OSBPL9: variants seen among roughly 807,000 people sequenced by gnomAD.
OSBPL9 encodes the protein oxysterol-binding protein-related protein 9.
OSBPL9 carries 40 observed loss-of-function variants against 106.6 expected under a neutral mutation model. The observed-to-expected ratio is 0.38, with a 90% CI of 0.29 to 0.49. The LOEUF (loss-of-function observed/expected upper bound fraction) is 0.49. Ranked by LOEUF, OSBPL9 falls within the 20% of genes least tolerant of loss-of-function variation. OSBPL9 has a pLI of 0.97. For synonymous variants in OSBPL9, 269 were observed against 295.4 expected, an observed-to-expected ratio of 0.91 and a Z score of 0.92; for missense variants, 609 against 887.2, an observed-to-expected ratio of 0.69 and a Z score of 3.98.
At chr1:51,552,798 T>C in the OSBPL9 span, among the ~76,000 whole-genome samples, 2 of 151,968 alleles carry the variant, frequency 1.3e-5, no homozygotes, top group African/African-American at 4.8e-5. Flanking sequence ...CTAATTTTTT[T>C]ATTTTTAGTA....
chr1:51,650,609 C>T (rs549831336), intron 1 of OSBPL9, among the ~76,000 whole-genome samples: 1 of 152,250 alleles, frequency 6.6e-6, no homozygotes, highest in African/African-American at 2.4e-5. Flanking sequence ...TCGGTAATCA[C>T]TTCTGAACAT....
chr1:51,535,558 TA>T, the OSBPL9 span, among the ~76,000 whole-genome samples: 5 of 151,986 alleles, frequency 3.3e-5, no homozygotes, highest in Admixed American at 6.6e-5. Flanking sequence ...TATTACTTTT[TA>T]TTTTTTTTTA....
intron 1 of OSBPL9, among the ~76,000 whole-genome samples, chr1:51,630,756 TTTAA>T (rs1645056942): frequency 6.6e-6 from 1 of 152,244 alleles, no homozygotes; most frequent in Non-Finnish European, 1.5e-5. Context: ...TTGATAAACT[TTTAA>T]TTTTTTTAAA....
At chr1:51,755,170 G>C (rs1182769636) in intron 8 of OSBPL9, among the ~76,000 whole-genome samples, 1 of 152,086 alleles carries the variant, frequency 6.6e-6, no homozygotes, top group Non-Finnish European at 1.5e-5. Flanking sequence ...TGTTATGGCA[G>C]CCCAAGCAGA....
intron 3 of OSBPL9, among the ~76,000 whole-genome samples, chr1:51,700,269 C>T (rs969251869): frequency 6.6e-6 from 1 of 152,172 alleles, no homozygotes; most frequent in African/African-American, 2.4e-5. Flanking sequence ...GGCTCTCATG[C>T]CCTGTGCTAG....
At chr1:51,682,729 C>T (rs902123060) in intron 3 of OSBPL9, among the ~76,000 whole-genome samples, 2 of 151,842 alleles carry the variant, frequency 1.3e-5, no homozygotes, top group Non-Finnish European at 2.9e-5. Context: ...TGCACTCCAG[C>T]CTGGGCAACA....
At chr1:51,569,377 G>A in the OSBPL9 span, among the ~76,000 whole-genome samples, 1 of 152,136 alleles carries the variant, frequency 6.6e-6, no homozygotes, top group Non-Finnish European at 1.5e-5. Context: ...TTAACATTCA[G>A]GTTTAGAGTT....
chr1:51,625,672 C>T (rs574740887), intron 1 of OSBPL9, among the ~76,000 whole-genome samples: 5 of 152,080 alleles, frequency 3.3e-5, no homozygotes, highest in South Asian at 2.1e-4. Flanking sequence ...CATAGGCATG[C>T]GCCACCACAC....
At chr1:51,563,036 G>A in the OSBPL9 span, among the ~76,000 whole-genome samples, 5 of 151,932 alleles carry the variant, frequency 3.3e-5, no homozygotes, top group South Asian at 2.1e-4. Context: ...GAGTGAAACC[G>A]CGTCTCTACT....
At chr1:51,545,055 G>A in the OSBPL9 span, among the ~76,000 whole-genome samples, 1 of 151,948 alleles carries the variant, frequency 6.6e-6, no homozygotes, top group Non-Finnish European at 1.5e-5. Flanking sequence ...TGTTGGCCAG[G>A]CTTGTCTCAA....
intron 2 of OSBPL9, among the ~76,000 whole-genome samples, chr1:51,652,296 T>C (rs1646565888): frequency 6.6e-6 from 1 of 152,220 alleles, no homozygotes; most frequent in Non-Finnish European, 1.5e-5. Flanking sequence ...TTCTTAAACC[T>C]CTACTTTACA....
intron 1 of OSBPL9, among the ~76,000 whole-genome samples, chr1:51,618,652 A>G (rs2148617054): frequency 6.6e-6 from 1 of 152,338 alleles, no homozygotes; most frequent in South Asian, 2.1e-4. Context: ...AGTAAAAAAG[A>G]CATTCACTGT....
At chr1:51,674,046 C>G (rs1421070608) in intron 3 of OSBPL9, among the ~76,000 whole-genome samples, 1 of 150,430 alleles carries the variant, frequency 6.6e-6, no homozygotes, top group Non-Finnish European at 1.5e-5. Context: ...CTCTTTCTTT[C>G]CTTTGTTTTC....
chr1:51,560,696 A>G, the OSBPL9 span, among the ~76,000 whole-genome samples: 2 of 152,208 alleles, frequency 1.3e-5, no homozygotes, highest in Non-Finnish European at 1.5e-5. Context: ...GAGGACAACA[A>G]CTTTTTAAAG....
At chr1:51,764,752 T>A (rs1354458411) in intron 11 of OSBPL9, among the ~76,000 whole-genome samples, 2 of 152,062 alleles carry the variant, frequency 1.3e-5, no homozygotes, top group Non-Finnish European at 2.9e-5. Flanking sequence ...GCTAATTTAT[T>A]TATCTATTTT....
At chr1:51,533,485 C>CAAAA in the OSBPL9 span, among the ~76,000 whole-genome samples, 1 of 54,286 alleles carries the variant, frequency 1.8e-5, no homozygotes, top group African/African-American at 6.7e-5. Context: ...GACTCTGTCT[C>CAAAA]AAAAAAAAAA....
At chr1:51,634,617 C>T (rs1645307743) in intron 1 of OSBPL9, among the ~76,000 whole-genome samples, 1 of 152,096 alleles carries the variant, frequency 6.6e-6, no homozygotes, top group Non-Finnish European at 1.5e-5. Context: ...AAGTTTTATA[C>T]CATGCAGAAA....
the OSBPL9 span, among the ~76,000 whole-genome samples, chr1:51,524,867 G>A: frequency 6.6e-6 from 1 of 152,180 alleles, no homozygotes; most frequent in African/African-American, 2.4e-5. Context: ...AAGAAACCTT[G>A]CACTCATGGC....
chr1:51,649,803 C>T (rs1349765649), intron 1 of OSBPL9, among the ~76,000 whole-genome samples: 2 of 145,824 alleles, frequency 1.4e-5, no homozygotes, highest in African/African-American at 5.1e-5. Context: ...GAATGTCACA[C>T]ATTCTGGATT....
Sources: allele counts gnomAD v4.1 joint callset (sites outside exome capture counted in the v4.1 genomes callset), GRCh38; gene constraint gnomAD v4.1.1; transcripts MANE v1.5; gene names NCBI Gene and HGNC (gene_info 2026-07-23, HGNC 2026-07-21).